The following IL7 variants were observed in gnomAD, a reference collection of about 807,000 sequenced individuals.
IL7 encodes interleukin 7, also known as interleukin-7.
A neutral mutation model predicts 21.6 loss-of-function variants in IL7; 3 were observed. The ratio of observed to expected loss-of-function variants is 0.14; its 90% CI spans 0.06 to 0.36. The LOEUF (loss-of-function observed/expected upper bound fraction) is 0.36, where lower values mean the gene tolerates loss of function less well. Among genes scored for constraint, IL7 ranks in the 10% least tolerant of loss-of-function variants. IL7 has a pLI of 1.00. For missense variants in IL7, 175 were observed against 200.2 expected (o/e 0.87, Z 0.76); for synonymous variants, 62 against 68.1 (o/e 0.91, Z 0.44).
chr8:78,736,792 A>G (rs930635746), intron 4 of IL7, among the ~76,000 whole-genome samples: 1 of 152,168 alleles, frequency 6.6e-6, no homozygotes, highest in African/African-American at 2.4e-5. Flanking sequence ...AACTACTGTG[A>G]GGTATGAAAA....
In IL7 at chr8:78,804,930, G is replaced by T; in HGVS notation, c.-8C>A. 1.2e-6 allele frequency: 2 copies of T among 1,612,156 alleles called. No homozygotes were observed. Among genetic ancestry groups the T allele is most frequent in the Non-Finnish European group, 1.7e-6 (2 of 1,178,762 alleles). ...GCGCTTACCATGGAACATGGTCTGC[G>T]GGAGGCGGGCGTAGTCATGATGACC... On this transcript the variant is annotated 5_prime_UTR_variant, in exon 1 of 6. Coordinates refer to ENST00000263851, the MANE Select transcript of IL7 (RefSeq NM_000880.4).
chr8:78,730,385 T>G (rs1811403298), downstream of IL7, among the ~76,000 whole-genome samples: 1 of 151,994 alleles, frequency 6.6e-6, no homozygotes, highest in Non-Finnish European at 1.5e-5. Flanking sequence ...ACCTACTTGT[T>G]TCATTGTCTT....
intron 3 of IL7, chr8:78,686,547 T>A (rs1417651775): frequency 1.3e-6 from 2 of 1,546,680 alleles, no homozygotes; most frequent in South Asian, 1.3e-5. Context: ...CTAAAGGCCT[T>A]GATCAGGCCC....
intron 3 of IL7, among the ~76,000 whole-genome samples, chr8:78,722,616 CT>C (rs1811261630): frequency 6.6e-6 from 1 of 151,940 alleles, no homozygotes. Context: ...CATCTGTCCC[CT>C]TTCATAGCCC....
At chr8:78,786,090 C>A (rs775698413) in intron 2 of IL7, among the ~76,000 whole-genome samples, 7 of 152,132 alleles carry the variant, frequency 4.6e-5, no homozygotes, top group Non-Finnish European at 8.8e-5. Context: ...CTGTGAAATA[C>A]AGTTATGTGT....
At chr8:78,690,999 A>G (rs1394467410) in intron 3 of IL7, among the ~76,000 whole-genome samples, 2 of 152,104 alleles carry the variant, frequency 1.3e-5, no homozygotes, top group Non-Finnish European at 2.9e-5. Flanking sequence ...GGACTTTTCT[A>G]TGTATACAGT....
At chr8:78,760,514 A>T in intron 2 of IL7, 1 of 1,537,614 alleles carries the variant, frequency 6.5e-7, no homozygotes, top group Non-Finnish European at 8.7e-7. Flanking sequence ...CTCAGCTGAC[A>T]GCGTGTCAGG....
intron 2 of IL7, among the ~76,000 whole-genome samples, chr8:78,773,358 T>A (rs946457647): frequency 6.6e-6 from 1 of 152,164 alleles, no homozygotes; most frequent in Non-Finnish European, 1.5e-5. Flanking sequence ...AGAAATGGAC[T>A]TTTTTCTCAT....
chr8:78,730,271 C>T (rs561910005), downstream of IL7, among the ~76,000 whole-genome samples: 206 of 151,946 alleles, frequency 1.4e-3, no homozygotes, highest in African/African-American at 4.6e-3. Flanking sequence ...CAATACAAAA[C>T]GATGATTTAG....
chr8:78,740,093 T>C lies in IL7; in HGVS notation c.148-11A>G. The C allele has an allele frequency of 7.0e-7, 1 of 1,422,366 alleles. No individual in the cohort carries two copies. The highest frequency in any genetic ancestry group is 9.3e-7 in the Non-Finnish European group (1 of 1,073,272). 88.1% of individuals were successfully genotyped at this position (1,422,366 alleles called of 1,614,324 possible). A position where few individuals can be genotyped will look rare whatever the true frequency, so the allele number is the denominator to read the frequency against. ...TTCTTTCATGCTGTCCTGTAATAAA[T>C]AACATAAAATAATATGGTTAAAACT... On this transcript the variant is annotated splice_polypyrimidine_tract_variant and intron_variant, in intron 2 of 5. Transcript: ENST00000263851.
chr8:78,791,189 C>G lies in IL7; in HGVS notation c.147+6883G>C, dbSNP rs968168026. On this transcript the variant is annotated intron_variant, in intron 2 of 5. Transcript: ENST00000263851. ...GAAAACTATTTCTGTATCAATTTCA[C>G]ACCAGTCCCTGATCCCTCCCACCTT... Among the ~76,000 whole-genome samples the G allele has an allele frequency of 2.0e-5, 3 of 152,186 alleles. No individual in the cohort carries two copies. The East Asian group carries it at 5.8e-4, about 29-fold the overall frequency.
chr8:78,708,675 T>TTTTTTTC (rs1476158058), intron 3 of IL7, among the ~76,000 whole-genome samples: 1 of 151,212 alleles, frequency 6.6e-6, no homozygotes, highest in African/African-American at 2.4e-5. Context: ...TGATTATCTT[T>TTTTTTTC]TTTTTTTCTT....
At chr8:78,717,595 C>G, downstream of IL7, 2 of 1,259,962 alleles carry the variant, frequency 1.6e-6, no homozygotes, top group African/African-American at 1.5e-5. Flanking sequence ...TAAAAATACT[C>G]GAAATACCAT....
chr8:78,732,236 C>G (rs1319552478), downstream of IL7, among the ~76,000 whole-genome samples: 1 of 151,968 alleles, frequency 6.6e-6, no homozygotes, highest in East Asian at 1.9e-4. Flanking sequence ...CAGTGATAAC[C>G]AAACAGAAAA....
intron 4 of IL7, 130 bp from the exon 5 acceptor site, chr8:78,736,657 T>C: frequency 3.5e-6 from 2 of 564,682 alleles, no homozygotes; most frequent in South Asian, 2.9e-5. Flanking sequence ...AATTTCTTAT[T>C]GTTAAGAAAG....
At chr8:78,801,798 A>C (rs1482509657) in intron 1 of IL7, among the ~76,000 whole-genome samples, 1 of 152,140 alleles carries the variant, frequency 6.6e-6, no homozygotes, top group Non-Finnish European at 1.5e-5. Flanking sequence ...TGCTGCAAAC[A>C]TACCTAGGGC....
intron 3 of IL7, among the ~76,000 whole-genome samples, chr8:78,724,735 T>C (rs1811310431): frequency 6.6e-6 from 1 of 152,064 alleles, no homozygotes; most frequent in Non-Finnish European, 1.5e-5. Flanking sequence ...CTAGAGTAGC[T>C]TTATACCCTC....
chr8:78,798,145 G>T lies in IL7; in HGVS notation c.74C>A (p.Ser25Tyr), dbSNP rs772566564. The T allele has an allele frequency of 2.5e-6, 4 of 1,611,336 alleles. No homozygotes were observed. In the African/African-American group the frequency reaches 5.3e-5, roughly 22 times the overall value. The change falls in exon 2 of 6, where the codon TCT becomes TAT. Residue 25 changes from serine to tyrosine, a missense_variant. Physicochemically the swap from Ser to Tyr is moderately radical, Grantham distance 144. Coordinates refer to ENST00000263851, the MANE Select transcript of IL7 (RefSeq NM_000880.4). ...ATCTTTACCTTCAATATCACAATCA[G>T]ATGATGCTACTGGCAACAGAACAAG... ...LILVLLPVAS[S>Y]DCDIEGKDGK...
rs577434539 is a variant in IL7 at position 78,804,891 on chromosome 8, C to G, written c.10+22G>C. 1.0e-4 allele frequency: 165 copies of G among 1,612,642 alleles called. No homozygotes were observed. The Middle Eastern group carries it at 1.5e-3, about 15-fold the overall frequency. ...GGCGCGTCGGGCGCGCGAACTTGTG[C>G]GCAAGGGAGAAGAGCGCTTACCATG... On this transcript the variant is annotated intron_variant, in intron 1 of 5. Coordinates refer to ENST00000263851, the MANE Select transcript of IL7 (RefSeq NM_000880.4).
Sources: gnomAD v4.1 joint callset for allele counts (sites outside exome capture counted in the v4.1 genomes callset) on GRCh38, gnomAD v4.1.1 for gene constraint, MANE v1.5 for transcripts, NCBI Gene and HGNC (gene_info 2026-07-23, HGNC 2026-07-21) for gene names.